MARCO: variants seen among roughly 807,000 people sequenced by gnomAD.
MARCO encodes macrophage receptor MARCO.
A neutral mutation model predicts 70.0 loss-of-function variants in MARCO; 72 were observed. The observed-to-expected ratio is 1.03, with a 90% confidence interval of 0.85 to 1.25. The LOEUF is 1.25. Among genes scored for constraint, MARCO ranks in the 50% most tolerant of loss-of-function variants. MARCO has a pLI of 0.00. For missense variants in MARCO, 696 were observed against 659.3 expected, an observed-to-expected ratio of 1.06 and a Z score of -0.61; for synonymous variants, 273 against 243.1, an observed-to-expected ratio of 1.12 and a Z score of -1.14.
chr2:118,966,424 G>A (rs1015680629), intron 1 of MARCO, among the ~76,000 whole-genome samples: 1 of 152,096 alleles, frequency 6.6e-6, no homozygotes, highest in African/African-American at 2.4e-5. Context: ...TACCCTCTAA[G>A]AGATGAAATG....
intron 1 of MARCO, among the ~76,000 whole-genome samples, chr2:118,942,689 T>A (rs1679527226): frequency 6.6e-6 from 1 of 152,202 alleles, no homozygotes; most frequent in Non-Finnish European, 1.5e-5. Flanking sequence ...GTCCCCTTTT[T>A]TTAATGAATG....
chr2:118,956,042 A>G (rs1244128668), intron 1 of MARCO, among the ~76,000 whole-genome samples: 1 of 152,244 alleles, frequency 6.6e-6, no homozygotes, highest in Non-Finnish European at 1.5e-5. Context: ...CACAGGACCT[A>G]TAAAACAAAA....
chr2:118,954,121 A>C lies in MARCO; in HGVS notation c.97+11724A>C, dbSNP rs538976089. ...GCTTGCAGACTTCACAGGCAGGAGA[A>C]GATCTAAAGCCCTTGTCTTTGGCAG... On this transcript the variant is annotated intron_variant, in intron 1 of 16. Coordinates refer to ENST00000327097, the MANE Select transcript of MARCO (RefSeq NM_006770.4). Among the ~76,000 whole-genome samples the C allele has an allele frequency of 3.5e-4, 54 of 152,372 alleles. 1 individual carries two copies. In the East Asian group the frequency reaches 3.9e-3, roughly 11 times the overall value.
intron 1 of MARCO, among the ~76,000 whole-genome samples, chr2:118,955,553 T>C (rs1679818916): frequency 6.6e-6 from 1 of 152,154 alleles, no homozygotes; most frequent in South Asian, 2.1e-4. Context: ...AGGAAAACTT[T>C]CCTGGCCTTC....
At chr2:118,962,806 T>TTTAGA (rs1679974907) in intron 1 of MARCO, among the ~76,000 whole-genome samples, 1 of 152,128 alleles carries the variant, frequency 6.6e-6, no homozygotes, top group African/African-American at 2.4e-5. Flanking sequence ...GATATTCAGA[T>TTTAGA]TATCTATTTC....
At chr2:118,955,250 A>T (rs1434211519) in intron 1 of MARCO, among the ~76,000 whole-genome samples, 1 of 150,598 alleles carries the variant, frequency 6.6e-6, no homozygotes, top group Non-Finnish European at 1.5e-5. Flanking sequence ...GATAGTTTAA[A>T]TAAAAAAACA....
At chr2:118,978,071 C>A in intron 8 of MARCO, 136 bp downstream of exon 8, 1 of 573,232 alleles carries the variant, frequency 1.7e-6, no homozygotes, top group Non-Finnish European at 3.2e-6. Flanking sequence ...TCTGGAGCAC[C>A]ACACATAGTC....
chr2:118,950,298 G>T (rs1001446244), intron 1 of MARCO, among the ~76,000 whole-genome samples: 1 of 152,110 alleles, frequency 6.6e-6, no homozygotes, highest in East Asian at 1.9e-4. Flanking sequence ...TTTTGTTAAA[G>T]AGCAGGTTAG....
intron 15 of MARCO, chr2:118,992,891 C>A: frequency 2.0e-6 from 1 of 505,558 alleles, no homozygotes; most frequent in Non-Finnish European, 3.5e-6. Flanking sequence ...TGCAAACCAG[C>A]CACAGGGGCA....
chr2:118,974,416 G>T lies in MARCO; in HGVS notation c.544G>T (p.Ala182Ser), dbSNP rs374036518. 1 of 1,612,708 alleles carries T rather than the reference G, an allele frequency of 6.2e-7. No individual in the cohort carries two copies. Among genetic ancestry groups the T allele is most frequent in the South Asian group, 1.1e-5 (1 of 90,676 alleles). ...ACCTGCTGAGAAGGGAGCCAAGGGG[G>T]CTATGGGACGAGATGGAGCAACAGG... ...GPPAEKGAKGAMGRDGATGPS... is the reference protein window; with the variant it reads ...GPPAEKGAKGSMGRDGATGPS... Residue 182 changes from alanine to serine, a missense_variant, in exon 5 of 17, where the codon GCT becomes TCT. This residue lies in a region of MARCO where 605 missense variants were observed against 537.6 expected (regional missense o/e 1.13). Transcript: ENST00000327097.
In MARCO at chr2:118,953,527, C is replaced by T. The variant is rs963879835; in HGVS notation, c.97+11130C>T. ...AACTATGTGAATTTATTTATTCATT[C>T]GAAAAGTTTTCTGGAGGTGGGGGGA... is the stretch of plus-strand genomic sequence containing the variant. On this transcript the variant is annotated intron_variant, in intron 1 of 16. Transcript: ENST00000327097. 1.4e-4 allele frequency among the ~76,000 whole-genome samples: 22 copies of T among 152,166 alleles called. 1 individual carries two copies. The highest frequency in any genetic ancestry group is 4.8e-4 in the African/African-American group (20 of 41,502).
At position 118,970,290 on chromosome 2, in the gene MARCO, A is replaced by G. The variant is rs1218286224; in HGVS notation, c.376A>G (p.Ser126Gly). 4 of 1,613,962 alleles carry G rather than the reference A, an allele frequency of 2.5e-6. No individual in the cohort carries two copies. Among genetic ancestry groups the G allele is most frequent in the Admixed American group, 1.7e-5 (1 of 59,998 alleles). Reference sequence around the variant, plus strand: ...GGCCCAACTCACCTGGGTCCGCGTCAGCCATGAGCACTTGCTGCAGCGGGT... The same window carrying G: ...GGCCCAACTCACCTGGGTCCGCGTCGGCCATGAGCACTTGCTGCAGCGGGT... ...LQAQLTWVRV[S>G]HEHLLQRVDN... Residue 126 changes from serine (S) to glycine (G), a missense_variant, in exon 3 of 17, where the codon AGC becomes GGC. Transcript: ENST00000327097.
intron 1 of MARCO, among the ~76,000 whole-genome samples, chr2:118,958,646 G>GA (rs1679882835): frequency 6.6e-6 from 1 of 151,996 alleles, no homozygotes; most frequent in Non-Finnish European, 1.5e-5. Context: ...CACAGAGTTA[G>GA]AAAAAACAAT....
intron 12 of MARCO, among the ~76,000 whole-genome samples, chr2:118,986,667 A>G (rs2104605033): frequency 1.8e-5 from 1 of 55,228 alleles, no homozygotes; most frequent in Admixed American, 1.7e-4. Context: ...GAAGGAAGGA[A>G]GGAAGGAAAG....
At chr2:118,986,213 T>C (rs572748074) in intron 12 of MARCO, among the ~76,000 whole-genome samples, 1 of 152,286 alleles carries the variant, frequency 6.6e-6, no homozygotes, top group African/African-American at 2.4e-5. Context: ...ATCCTTCATC[T>C]CACTTCTTAC....
chr2:118,949,613 G>T (rs1679680296), intron 1 of MARCO: 1 of 146,962 alleles, frequency 6.8e-6, no homozygotes, highest in Non-Finnish European at 1.5e-5. Context: ...GAATAGTAAT[G>T]GATTTAAGCA....
At chr2:118,973,697 C>G (rs948844646) in intron 4 of MARCO, among the ~76,000 whole-genome samples, 2 of 152,164 alleles carry the variant, frequency 1.3e-5, no homozygotes, top group African/African-American at 2.4e-5. Context: ...TCACTGGAGG[C>G]AGCCTGCCGG....
At chr2:118,957,486 T>G (rs910533163) in intron 1 of MARCO, among the ~76,000 whole-genome samples, 4 of 151,862 alleles carry the variant, frequency 2.6e-5, no homozygotes, top group Non-Finnish European at 5.9e-5. Flanking sequence ...GCGAGATTGT[T>G]TGGTAATTTA....
At chr2:118,981,802 G>A (rs1480785152) in intron 10 of MARCO, 146 bp downstream of exon 10, 1 of 861,190 alleles carries the variant, frequency 1.2e-6, no homozygotes, top group African/African-American at 1.7e-5. Flanking sequence ...CCCTGGCCAA[G>A]AGGAACAGAG....
Sources: allele counts gnomAD v4.1 joint callset (sites outside exome capture counted in the v4.1 genomes callset), GRCh38; gene constraint gnomAD v4.1.1; regional missense constraint gnomAD v4.1.1; transcripts MANE v1.5; gene names NCBI Gene and HGNC (gene_info 2026-07-23, HGNC 2026-07-21).